Variants in NRXN3 observed in about 807,000 individuals in gnomAD.
NRXN3 encodes neurexin 3.
Under a neutral mutation model 137.6 loss-of-function variants are expected in NRXN3, and 32 were observed. The observed-to-expected ratio is 0.23, with a 90% CI of 0.18 to 0.31. NRXN3 has a LOEUF of 0.31. NRXN3 is among the 10% of genes least tolerant of loss of function. The pLI is 1.00. For missense variants in NRXN3, 1,574 were observed against 2,062.5 expected, an observed-to-expected ratio of 0.76 and a Z score of 4.59; for synonymous variants, 798 against 784.5, an observed-to-expected ratio of 1.02 and a Z score of -0.29.
intron 19 of NRXN3, among the ~76,000 whole-genome samples, chr14:79,780,716 T>C (rs2099111101): frequency 6.6e-6 from 1 of 152,226 alleles, no homozygotes; most frequent in South Asian, 2.1e-4. Flanking sequence ...AATTTTCTAA[T>C]CAACAGAAAA....
At chr14:79,304,890 G>A (rs533700628) in intron 15 of NRXN3, among the ~76,000 whole-genome samples, 5 of 152,082 alleles carry the variant, frequency 3.3e-5, no homozygotes, top group East Asian at 3.9e-4. Context: ...TCTTTGCTTC[G>A]TGCTAAAGGC....
intron 4 of NRXN3, among the ~76,000 whole-genome samples, chr14:78,463,440 G>C (rs564848497): frequency 6.6e-6 from 1 of 151,728 alleles, no homozygotes; most frequent in East Asian, 1.9e-4. Flanking sequence ...GAATCGAATG[G>C]TAATTCTATC....
intron 15 of NRXN3, among the ~76,000 whole-genome samples, chr14:79,000,179 G>T (rs1435848908): frequency 2.0e-5 from 3 of 151,940 alleles, no homozygotes; most frequent in Non-Finnish European, 4.4e-5. Context: ...CATGCTCTTT[G>T]AAATCAGCCC....
chr14:79,025,620 T>C (rs188856752), intron 15 of NRXN3, among the ~76,000 whole-genome samples: 8 of 152,314 alleles, frequency 5.3e-5, no homozygotes, highest in African/African-American at 1.9e-4. Flanking sequence ...GTGAACACTT[T>C]CTGTAAACTT....
At chr14:78,979,139 A>G (rs1164497634) in intron 14 of NRXN3, among the ~76,000 whole-genome samples, 3 of 152,098 alleles carry the variant, frequency 2.0e-5, no homozygotes, top group Non-Finnish European at 4.4e-5. Flanking sequence ...TATTCTCTTC[A>G]CCAGTTAAAA....
At position 79,587,267 on chromosome 14, in the gene NRXN3, A is replaced by G. The variant is rs2097770818; in HGVS notation, c.3445-76511A>G. The stretch of plus-strand genomic sequence containing the variant: ...CTTTTTAAAAACCAAAGCAGAATAA[A>G]CCGTTTTGTAAGATAATTTTGCCAC... On this transcript the variant is annotated intron_variant, in intron 16 of 20. Coordinates refer to ENST00000335750, the MANE Select transcript of NRXN3 (RefSeq NM_001330195.2). Among the ~76,000 whole-genome samples the G allele has an allele frequency of 1.3e-5, 2 of 152,188 alleles. 1 individual carries two copies. The highest frequency in any genetic ancestry group is 4.1e-4 in the South Asian group (2 of 4,834).
Position 78,705,174 on chromosome 14 carries a change from C to T in NRXN3, c.1222-4043C>T, listed in dbSNP as rs184001691. Among the ~76,000 whole-genome samples the T allele has an allele frequency of 6.6e-5, 10 of 152,326 alleles. No homozygotes were observed. In the East Asian group the frequency reaches 1.5e-3, roughly 24 times the overall value. The stretch of plus-strand genomic sequence containing the variant: ...TACTTTGTCTTTAATTGCTCCTCAC[C>T]GAGGCGACTTGTCAGCCAAGGCTGC... On this transcript the variant is annotated intron_variant, in intron 6 of 20. Coordinates refer to ENST00000335750, the MANE Select transcript of NRXN3 (RefSeq NM_001330195.2).
rs1215558361 is a variant in NRXN3, at chr14:78,751,220, A to G, written c.2044+36081A>G. On this transcript the variant is annotated intron_variant, in intron 8 of 20. Transcript: ENST00000335750. ...ACATTGCAGACAGGGAATTGAGAGG[A>G]TGCTTGAGTTAATCTGCAGGGTCTA... Among the ~76,000 whole-genome samples the G allele has an allele frequency of 3.3e-5, 5 of 152,306 alleles. No homozygotes were observed. In the East Asian group the frequency reaches 9.7e-4, roughly 29 times the overall value.
intron 15 of NRXN3, among the ~76,000 whole-genome samples, chr14:79,164,313 T>C (rs192281727): frequency 1.3e-5 from 2 of 152,136 alleles, no homozygotes; most frequent in East Asian, 3.9e-4. Context: ...GGGATTATTC[T>C]GAGCTCTCAA....
At chr14:78,301,154 TG>T (rs11399821) in intron 4 of NRXN3, among the ~76,000 whole-genome samples, 1 of 151,346 alleles carries the variant, frequency 6.6e-6, no homozygotes, top group Non-Finnish European at 1.5e-5. Flanking sequence ...AATGTGGAAT[TG>T]GGGGGGATAT....
chr14:78,314,978 C>T lies in NRXN3; in HGVS notation c.757+17118C>T, dbSNP rs1363383107. 2.6e-3 allele frequency among the ~76,000 whole-genome samples: 243 copies of T among 93,452 alleles called. 1 individual carries two copies. Among genetic ancestry groups the T allele is most frequent in the African/African-American group, 0.013 (241 of 18,712 alleles). The allele number at this position is 93,452 out of a possible 152,430, so 61.3% of individuals were successfully genotyped here. A position where few individuals can be genotyped will look rare whatever the true frequency, so the allele number is the denominator to read the frequency against. On this transcript the variant is annotated intron_variant, in intron 4 of 20. Coordinates refer to ENST00000335750, the MANE Select transcript of NRXN3 (RefSeq NM_001330195.2). ...TCCTTCCTTCCTTCCTTCCTTCCTT[C>T]CTTCCTTCCTTTCTCTTTCTTTCTT... is the stretch of plus-strand genomic sequence containing the variant.
chr14:79,417,978 G>A (rs2095521411), intron 15 of NRXN3, among the ~76,000 whole-genome samples: 1 of 151,166 alleles, frequency 6.6e-6, no homozygotes, highest in Admixed American at 6.6e-5. Context: ...AAAAAAAGAA[G>A]AAGAAAAAAG....
intron 16 of NRXN3, among the ~76,000 whole-genome samples, chr14:79,499,131 C>G (rs1230371304): frequency 6.6e-6 from 1 of 152,132 alleles, no homozygotes; most frequent in African/African-American, 2.4e-5. Flanking sequence ...CAATTAAAAT[C>G]CTCATGTAGC....
At chr14:79,508,962 C>T (rs1200281499) in intron 16 of NRXN3, among the ~76,000 whole-genome samples, 2 of 151,864 alleles carry the variant, frequency 1.3e-5, no homozygotes, top group African/African-American at 4.8e-5. Context: ...GAGGCAGAGG[C>T]GGGTGGATCA....
chr14:78,663,859 A>C (rs2097859782), intron 6 of NRXN3, among the ~76,000 whole-genome samples: 1 of 152,222 alleles, frequency 6.6e-6, no homozygotes, highest in Non-Finnish European at 1.5e-5. Context: ...TTAAAAAAAC[A>C]CTAGTCCTTG....
chr14:79,682,228 C>G (rs777551111), intron 17 of NRXN3, among the ~76,000 whole-genome samples: 12 of 152,134 alleles, frequency 7.9e-5, no homozygotes, highest in Non-Finnish European at 1.6e-4. Flanking sequence ...AGCCCCCATG[C>G]TGATCCATAC....
chr14:79,219,754 C>A (rs1034465072), intron 15 of NRXN3, among the ~76,000 whole-genome samples: 6 of 150,970 alleles, frequency 4.0e-5, no homozygotes, highest in Admixed American at 3.9e-4. Context: ...ATTTTAGCAT[C>A]CCAACACAGT....
At chr14:78,717,486 C>A (rs184693488) in intron 8 of NRXN3, among the ~76,000 whole-genome samples, 1 of 152,204 alleles carries the variant, frequency 6.6e-6, no homozygotes, top group African/African-American at 2.4e-5. Flanking sequence ...GTTTTGTTCC[C>A]CTACTAATTG....
chr14:79,817,347 C>T lies in NRXN3; in HGVS notation c.4093+12157C>T, dbSNP rs539519905. 1.7e-3 allele frequency among the ~76,000 whole-genome samples: 253 copies of T among 152,238 alleles called. 1 individual carries two copies. The highest frequency in any genetic ancestry group is 2.7e-3 in the Non-Finnish European group (185 of 68,004). On this transcript the variant is annotated intron_variant, in intron 20 of 20. Coordinates refer to ENST00000335750, the MANE Select transcript of NRXN3 (RefSeq NM_001330195.2). ...GGATTACAGGTATGAGCCACCGTTC[C>T]GGGCCTCCCTATATAGTAAACTTTC...
Sources: allele counts gnomAD v4.1 joint callset (sites outside exome capture counted in the v4.1 genomes callset), GRCh38; gene constraint gnomAD v4.1.1; transcripts MANE v1.5; gene names NCBI Gene and HGNC (gene_info 2026-07-23, HGNC 2026-07-21).